Variants in CCNH observed in about 807,000 individuals in gnomAD.
CCNH encodes cyclin H, also known as cyclin-H.
Under a neutral mutation model 41.9 loss-of-function variants are expected in CCNH, and 31 were observed. The observed-to-expected ratio is 0.74, with a 90% CI of 0.56 to 1.00. CCNH has a LOEUF of 1.00. CCNH is among the 50% of genes least tolerant of loss of function. The pLI, the probability that CCNH is intolerant of heterozygous loss-of-function variation, is 0.00. For missense variants in CCNH, 362 were observed against 388.4 expected (o/e 0.93, Z 0.57); for synonymous variants, 138 against 136.1 (o/e 1.01, Z -0.10).
downstream of CCNH, among the ~76,000 whole-genome samples, chr5:87,314,195 TAAAA>T (rs1386913380): frequency 6.6e-6 from 1 of 151,900 alleles, no homozygotes; most frequent in Admixed American, 6.6e-5. Context: ...AAATAAAAAA[TAAAA>T]AAATAAAGAA....
Position 87,404,972 on chromosome 5 carries a change from C to CA in CCNH, c.560dup (p.Leu187PhefsTer6). ...TAAGAAAGTCATCAGCTGTTTTCCT[C>CA]AAAATCTCTGGATTCTCCAATATGG... On this transcript the variant is annotated frameshift_variant, in exon 5 of 9. Coordinates refer to ENST00000256897, the MANE Select transcript of CCNH (RefSeq NM_001239.4). LOFTEE classifies it high-confidence loss of function. The CA allele has an allele frequency of 6.2e-7, 1 of 1,613,366 alleles. No individual in the cohort carries two copies. Among genetic ancestry groups the CA allele is most frequent in the Non-Finnish European group, 8.5e-7 (1 of 1,179,624 alleles).
rs114032771 is a variant in CCNH at position 87,339,116 on chromosome 5, C to T, written c.*91-20219G>A. Reference sequence around the variant, plus strand: ...TCAAAGCTACTGTTTTTAAATTATGCCACAGACCTGATAATATTCTGAAGA... The same window carrying T: ...TCAAAGCTACTGTTTTTAAATTATGTCACAGACCTGATAATATTCTGAAGA... On this transcript the variant is annotated intron_variant and NMD_transcript_variant, in intron 9 of 9. Transcript: ENST00000645953. 9.2e-3 allele frequency among the ~76,000 whole-genome samples: 1,399 copies of T among 152,138 alleles called. 28 individuals carry two copies. The highest frequency in any genetic ancestry group is 0.031 in the African/African-American group (1,299 of 41,512).
rs142849030 is a variant in CCNH at position 87,366,574 on chromosome 5, G to C, written c.*90+26196C>G. ...ATTTACCACTTGCTGTAAGGTTGTAGCTTGCTTCTTGTACAGTTTCTTGTT... is the reference window on the plus strand; with the variant it reads ...ATTTACCACTTGCTGTAAGGTTGTACCTTGCTTCTTGTACAGTTTCTTGTT... On this transcript the variant is annotated intron_variant and NMD_transcript_variant, in intron 9 of 9. Transcript: ENST00000645953. The C allele has an allele frequency of 2.6e-3, 458 of 177,374 alleles. 6 individuals are homozygous for C. The highest frequency in any genetic ancestry group is 8.7e-3 in the East Asian group (68 of 7,850). The allele number at this position is 177,374 out of a possible 1,614,324, so 11.0% of individuals were successfully genotyped here.
At chr5:87,375,294 C>T (rs1761247785), downstream of CCNH, among the ~76,000 whole-genome samples, 1 of 151,320 alleles carries the variant, frequency 6.6e-6, no homozygotes. Context: ...GAGTCTTGCT[C>T]TTGTTGCTCA....
At chr5:87,371,894 AT>A (rs1303288409), downstream of CCNH, among the ~76,000 whole-genome samples, 1 of 152,110 alleles carries the variant, frequency 6.6e-6, no homozygotes, top group Non-Finnish European at 1.5e-5. Flanking sequence ...TCAAACAAAG[AT>A]TTATACAGAA....
chr5:87,385,193 T>C (rs1336260078), intron 9 of CCNH: 1 of 755,712 alleles, frequency 1.3e-6, no homozygotes, highest in African/African-American at 1.7e-5. Flanking sequence ...AATGGAAGAA[T>C]GGGTAGTAGT....
At chr5:87,374,753 G>A (rs527706639), downstream of CCNH, 2 of 1,548,704 alleles carry the variant, frequency 1.3e-6, no homozygotes, top group African/African-American at 1.4e-5. Context: ...AGCAGAAATA[G>A]GGGGTTTATT....
intron 7 of CCNH, 37 bp from the exon 8 acceptor site, chr5:87,395,141 C>G (rs781478191): frequency 3.7e-5 from 58 of 1,577,074 alleles, no homozygotes; most frequent in Non-Finnish European, 4.8e-5. Flanking sequence ...AATCCAATAC[C>G]AGCCACAGAA....
intron 9 of CCNH, among the ~76,000 whole-genome samples, chr5:87,333,822 A>G (rs1296055528): frequency 1.3e-5 from 2 of 152,262 alleles, no homozygotes; most frequent in East Asian, 3.9e-4. Flanking sequence ...TTAATTTTCT[A>G]GTGGAAACTT....
chr5:87,323,753 T>C (rs754583191), intron 9 of CCNH, among the ~76,000 whole-genome samples: 6 of 152,132 alleles, frequency 3.9e-5, no homozygotes, highest in Non-Finnish European at 8.8e-5. Context: ...CCACTGCCTG[T>C]TATATTTTTC....
chr5:87,352,747 C>A (rs1355697397), intron 9 of CCNH, among the ~76,000 whole-genome samples: 3 of 151,048 alleles, frequency 2.0e-5, no homozygotes, highest in Non-Finnish European at 4.4e-5. Flanking sequence ...AATAAAAATT[C>A]TTAATTTACC....
downstream of CCNH, among the ~76,000 whole-genome samples, chr5:87,373,869 G>A (rs1039567495): frequency 3.3e-5 from 5 of 151,756 alleles, no homozygotes; most frequent in African/African-American, 1.2e-4. Context: ...CTTTATCATT[G>A]TTTTATGGTA....
At chr5:87,356,560 T>G (rs920006319) in intron 9 of CCNH, among the ~76,000 whole-genome samples, 2 of 152,082 alleles carry the variant, frequency 1.3e-5, no homozygotes, top group Non-Finnish European at 2.9e-5. Context: ...TAGCTAATAT[T>G]TTTTGTAGAG....
intron 1 of CCNH, chr5:87,412,436 C>T: frequency 1.5e-6 from 2 of 1,369,554 alleles, no homozygotes; most frequent in Non-Finnish European, 1.9e-6. Flanking sequence ...ACTACTTACT[C>T]TCTTCTTCAC....
rs1764385096 is a variant in CCNH at position 87,412,881 on chromosome 5, G to A, written c.-87C>T. On this transcript the variant is annotated 5_prime_UTR_variant, in exon 1 of 9. Coordinates refer to ENST00000256897, the MANE Select transcript of CCNH (RefSeq NM_001239.4). ...GGCGTAAAACACCCGTACCCCCACC[G>A]AAGATCTCGCGGAAGCCTAGGGCGT... The A allele has an allele frequency of 1.3e-6, 2 of 1,550,536 alleles. No individual in the cohort carries two copies. Among genetic ancestry groups the A allele is most frequent in the Middle Eastern group, 1.7e-4 (1 of 5,834 alleles).
At chr5:87,335,593 T>A (rs368310760) in intron 9 of CCNH, among the ~76,000 whole-genome samples, 1 of 151,386 alleles carries the variant, frequency 6.6e-6, no homozygotes, top group Admixed American at 6.6e-5. Context: ...ACCTGGCTAA[T>A]TTTGATATTT....
exon 1 of CCNH, chr5:87,377,166 TC>T: frequency 7.8e-7 from 1 of 1,286,876 alleles, no homozygotes; most frequent in South Asian, 1.3e-5. Flanking sequence ...TATTCTGTTT[TC>T]CCTCCTTAAA....
intron 9 of CCNH, among the ~76,000 whole-genome samples, chr5:87,384,859 C>G (rs890810813): frequency 1.6e-4 from 24 of 152,032 alleles, no homozygotes; most frequent in African/African-American, 5.8e-4. Context: ...GCTTCTTGAG[C>G]TTTAAGCGAA....
At chr5:87,312,792 A>G in the CCNH span, among the ~76,000 whole-genome samples, 4 of 152,214 alleles carry the variant, frequency 2.6e-5, no homozygotes, top group East Asian at 7.7e-4. Context: ...GAGTACTGGA[A>G]AATCTAGCAA....
Sources: allele counts gnomAD v4.1 joint callset (sites outside exome capture counted in the v4.1 genomes callset), GRCh38; gene constraint gnomAD v4.1.1; transcripts MANE v1.5; gene names NCBI Gene and HGNC (gene_info 2026-07-23, HGNC 2026-07-21).